RPH3A: variants seen among roughly 807,000 people sequenced by gnomAD.
The protein encoded by RPH3A is rabphilin-3A.
In RPH3A, 48 loss-of-function variants were observed where a neutral mutation model predicts 102.2. The observed-to-expected ratio is 0.47, with a 90% CI of 0.37 to 0.60. The LOEUF (loss-of-function observed/expected upper bound fraction) is 0.60. Ranked by LOEUF, RPH3A falls within the 20% of genes least tolerant of loss-of-function variation. RPH3A has a pLI of 0.00. For synonymous variants in RPH3A, 310 were observed against 324.3 expected, an observed-to-expected ratio of 0.96 and a Z score of 0.47; for missense variants, 781 against 910.1, an observed-to-expected ratio of 0.86 and a Z score of 1.83.
intron 1 of RPH3A, among the ~76,000 whole-genome samples, chr12:112,640,907 A>C (rs2039885420): frequency 6.6e-6 from 1 of 152,108 alleles, no homozygotes; most frequent in Non-Finnish European, 1.5e-5. Flanking sequence ...GCAGCATAGA[A>C]GGTGGGAAAA....
chr12:112,594,429 A>G (rs1038156293), intron 1 of RPH3A, among the ~76,000 whole-genome samples: 3 of 152,084 alleles, frequency 2.0e-5, no homozygotes, highest in Non-Finnish European at 4.4e-5. Context: ...TTATGCAGTC[A>G]TCTTTCTTCC....
At chr12:112,855,801 G>A (rs2136202292) in intron 5 of RPH3A, among the ~76,000 whole-genome samples, 1 of 152,250 alleles carries the variant, frequency 6.6e-6, no homozygotes, top group South Asian at 2.1e-4. Context: ...AAACTCAACA[G>A]TAATATCCCC....
intron 1 of RPH3A, among the ~76,000 whole-genome samples, chr12:112,587,172 T>G (rs533134720): frequency 6.6e-6 from 1 of 152,338 alleles, no homozygotes; most frequent in East Asian, 1.9e-4. Context: ...AAGTCAAAAA[T>G]CCCTTCTGAT....
rs1459987815 is a variant in RPH3A at position 112,577,149 on chromosome 12, G to C, written c.-140+1830G>C. 7.2e-5 allele frequency among the ~76,000 whole-genome samples: 11 copies of C among 152,280 alleles called. No individual in the cohort carries two copies. The South Asian group carries it at 8.3e-4, about 11-fold the overall frequency. On this transcript the variant is annotated intron_variant, in intron 1 of 21. Transcript: ENST00000543106. The stretch of plus-strand genomic sequence containing the variant: ...ATTCGGGGCGAGTACATAGAGTAAA[G>C]TGAAAGCAAGTTTTTTAAGAAAATA...
chr12:112,866,037 C>A (rs889042665), intron 6 of RPH3A, among the ~76,000 whole-genome samples: 1 of 152,124 alleles, frequency 6.6e-6, no homozygotes, highest in Non-Finnish European at 1.5e-5. Context: ...CTCTGTTCAC[C>A]CTCTAACCTT....
upstream of RPH3A, among the ~76,000 whole-genome samples, chr12:112,789,926 G>A (rs912859236): frequency 3.3e-5 from 5 of 150,926 alleles, no homozygotes; most frequent in East Asian, 1.9e-4. Flanking sequence ...GGGTATATTC[G>A]TGTGCACCTT....
intron 1 of RPH3A, among the ~76,000 whole-genome samples, chr12:112,685,545 A>G (rs2040257215): frequency 6.6e-6 from 1 of 152,154 alleles, no homozygotes; most frequent in Non-Finnish European, 1.5e-5. Flanking sequence ...TGCACATGTT[A>G]TTATTCAAGG....
intron 1 of RPH3A, among the ~76,000 whole-genome samples, chr12:112,606,085 T>A (rs1049179839): frequency 6.6e-6 from 1 of 152,208 alleles, no homozygotes; most frequent in African/African-American, 2.4e-5. Flanking sequence ...TTTCTTCTCT[T>A]AGTACCTGCT....
At chr12:112,721,820 G>T (rs2040553364) in intron 1 of RPH3A, among the ~76,000 whole-genome samples, 1 of 152,136 alleles carries the variant, frequency 6.6e-6, no homozygotes, top group African/African-American at 2.4e-5. Flanking sequence ...AAAAGAAAAT[G>T]ATAAGGCAGC....
intron 1 of RPH3A, among the ~76,000 whole-genome samples, chr12:112,745,081 C>T (rs2040735132): frequency 1.3e-5 from 2 of 152,200 alleles, no homozygotes; most frequent in Admixed American, 1.3e-4. Flanking sequence ...AACATTTCCT[C>T]TGGAGCAGTT....
chr12:112,846,544 G>A (rs951610175), intron 4 of RPH3A, among the ~76,000 whole-genome samples: 4 of 152,238 alleles, frequency 2.6e-5, no homozygotes, highest in Non-Finnish European at 5.9e-5. Flanking sequence ...AGGAAGATGG[G>A]TTTTTAATTT....
intron 13 of RPH3A, 125 bp downstream of exon 13, chr12:112,876,991 A>G (rs552448782): frequency 1.3e-5 from 7 of 559,870 alleles, no homozygotes; most frequent in African/African-American, 5.8e-5. Flanking sequence ...GACCTAATAA[A>G]CATATTAACC....
At chr12:112,592,565 C>T (rs989010251) in intron 1 of RPH3A, among the ~76,000 whole-genome samples, 25 of 152,316 alleles carry the variant, frequency 1.6e-4, no homozygotes, top group African/African-American at 3.4e-4. Context: ...GTGATCTGCC[C>T]GCCTTGGCCT....
rs116294679 is a variant in RPH3A at position 112,639,606 on chromosome 12, A to G, written c.-140+64287A>G. On this transcript the variant is annotated intron_variant, in intron 1 of 21. Transcript: ENST00000543106. The stretch of plus-strand genomic sequence containing the variant: ...GCAAACCACCATGGCACATTTACCT[A>G]TGTAACAAACCTGCACATGTACCCT... Among the ~76,000 whole-genome samples, 113 of 152,274 alleles carry G rather than the reference A, an allele frequency of 7.4e-4. 1 individual carries two copies. The highest frequency in any genetic ancestry group is 2.6e-3 in the African/African-American group (110 of 41,554).
At chr12:112,823,628 G>A (rs992750972) in intron 2 of RPH3A, among the ~76,000 whole-genome samples, 5 of 152,172 alleles carry the variant, frequency 3.3e-5, no homozygotes, top group Admixed American at 6.5e-5. Flanking sequence ...CCTAGGGCTG[G>A]AATTTGGTAC....
chr12:112,870,707 T>C (rs748608372), intron 10 of RPH3A, among the ~76,000 whole-genome samples: 31 of 152,316 alleles, frequency 2.0e-4, no homozygotes, highest in Non-Finnish European at 3.2e-4. Context: ...CCCACATACA[T>C]CTGGCCTTCT....
At chr12:112,617,862 G>A (rs992792807) in intron 1 of RPH3A, 3 of 151,546 alleles carry the variant, frequency 2.0e-5, no homozygotes, top group Non-Finnish European at 4.4e-5. Context: ...ACCACACCCA[G>A]CCTGAGTTGT....
chr12:112,767,102 CAA>C (rs371253582), intron 1 of RPH3A, among the ~76,000 whole-genome samples: 135 of 152,288 alleles, frequency 8.9e-4, no homozygotes, highest in African/African-American at 3.1e-3. Context: ...CTCACTCATG[CAA>C]AGATGGCAAA....
chr12:112,697,356 C>A (rs775476310), intron 1 of RPH3A, among the ~76,000 whole-genome samples: 6 of 152,036 alleles, frequency 3.9e-5, no homozygotes, highest in Non-Finnish European at 8.8e-5. Flanking sequence ...GATTTTAAAA[C>A]AACACTATTT....
Sources: gnomAD v4.1 joint callset for allele counts (sites outside exome capture counted in the v4.1 genomes callset) on GRCh38, gnomAD v4.1.1 for gene constraint, MANE v1.5 for transcripts, NCBI Gene and HGNC (gene_info 2026-07-23, HGNC 2026-07-21) for gene names.